SPMIP11: variants seen among roughly 807,000 people sequenced by gnomAD.
The protein encoded by SPMIP11 is sperm microtubule inner protein 11.
At chr12:48,763,120 T>C in the SPMIP11 span, among the ~76,000 whole-genome samples, 1 of 152,324 alleles carries the variant, frequency 6.6e-6, no homozygotes, top group South Asian at 2.1e-4. Flanking sequence ...AACAGGCACA[T>C]GTGGAAAGAG....
the SPMIP11 span, among the ~76,000 whole-genome samples, chr12:48,739,087 T>C: frequency 6.6e-6 from 1 of 152,216 alleles, no homozygotes; most frequent in South Asian, 2.1e-4. Context: ...TTCTCTTCTT[T>C]TCCTTGCATT....
chr12:48,740,990 A>G, the SPMIP11 span, among the ~76,000 whole-genome samples: 4 of 152,146 alleles, frequency 2.6e-5, no homozygotes, highest in East Asian at 3.9e-4. Context: ...TTAAGGATCA[A>G]GCATTGCATT....
chr12:48,759,959 A>G, the SPMIP11 span, among the ~76,000 whole-genome samples: 10 of 152,030 alleles, frequency 6.6e-5, no homozygotes, highest in African/African-American at 2.4e-4. Context: ...GGTGCCTGCC[A>G]CCATACCTGG....
the SPMIP11 span, chr12:48,771,415 G>C: frequency 1.8e-6 from 1 of 544,228 alleles, no homozygotes; most frequent in Non-Finnish European, 3.3e-6. This position sits in a 1 kb window ranked among gnomAD's most constrained non-coding sequence, Gnocchi z 4.3. Context: ...TCTGTCCACA[G>C]ACTATTGCCT....
the SPMIP11 span, among the ~76,000 whole-genome samples, chr12:48,742,278 C>T: frequency 0.99 from 134,135 of 136,036 alleles, 66,134 homozygotes; most frequent in East Asian, 1. Context: ...TTTTCTTTTC[C>T]TTTTTTTTTT....
chr12:48,761,070 A>G, the SPMIP11 span, among the ~76,000 whole-genome samples: 2 of 152,138 alleles, frequency 1.3e-5, no homozygotes, highest in South Asian at 2.1e-4. Context: ...TGGGAATAAT[A>G]CTTTTTAGCA....
the SPMIP11 span, chr12:48,765,566 C>A: frequency 5.7e-6 from 4 of 702,574 alleles, no homozygotes; most frequent in African/African-American, 3.5e-5. Flanking sequence ...TGCTCTCCAG[C>A]CTGGCCTGGC....
chr12:48,742,172 A>G, the SPMIP11 span, among the ~76,000 whole-genome samples: 1 of 152,088 alleles, frequency 6.6e-6, no homozygotes, highest in Admixed American at 6.6e-5. Flanking sequence ...GCCTGGTACA[A>G]GCACAGATTA....
chr12:48,727,995 G>A, the SPMIP11 span, among the ~76,000 whole-genome samples: 1 of 151,148 alleles, frequency 6.6e-6, no homozygotes, highest in Non-Finnish European at 1.5e-5. Context: ...AGGATGAAGT[G>A]AGCCATGATC....
chr12:48,756,278 C>T, the SPMIP11 span, among the ~76,000 whole-genome samples: 1 of 152,108 alleles, frequency 6.6e-6, no homozygotes, highest in Non-Finnish European at 1.5e-5. Flanking sequence ...CAGGAAATGG[C>T]CTCGTTGCTA....
chr12:48,727,435 A>C, the SPMIP11 span: 2 of 700,336 alleles, frequency 2.9e-6, no homozygotes, highest in Admixed American at 4.0e-5. Context: ...CACAGAGTCC[A>C]GTGCCCCAAC....
the SPMIP11 span, among the ~76,000 whole-genome samples, chr12:48,749,458 G>A: frequency 1.3e-5 from 2 of 150,950 alleles, no homozygotes; most frequent in African/African-American, 4.9e-5. Context: ...GGGAAACTCT[G>A]TCTGTACTAA....
At chr12:48,771,049 G>A in the SPMIP11 span, 13 of 1,381,356 alleles carry the variant, frequency 9.4e-6, no homozygotes, top group Admixed American at 3.9e-5. The surrounding 1 kb of genome is among the most constrained non-coding windows in gnomAD (Gnocchi z 4.3). Context: ...TTCTTGCCAC[G>A]CCTTGGCTGC....
chr12:48,758,795 C>T, the SPMIP11 span, among the ~76,000 whole-genome samples: 1 of 152,200 alleles, frequency 6.6e-6, no homozygotes, highest in Non-Finnish European at 1.5e-5. Context: ...TCTACTGTAA[C>T]CTACCTCCTT....
chr12:48,736,043 A>G, the SPMIP11 span: 5 of 445,310 alleles, frequency 1.1e-5, no homozygotes, highest in Non-Finnish European at 2.2e-5. Flanking sequence ...CTGCTAAGCC[A>G]AATAATGTCA....
the SPMIP11 span, among the ~76,000 whole-genome samples, chr12:48,738,512 T>C: frequency 3.3e-5 from 5 of 151,330 alleles, 1 homozygote; most frequent in South Asian, 8.4e-4. Flanking sequence ...TATTCTTATA[T>C]GGCACCTAAC....
the SPMIP11 span, among the ~76,000 whole-genome samples, chr12:48,754,169 G>A: frequency 4.6e-5 from 7 of 152,118 alleles, no homozygotes; most frequent in South Asian, 4.1e-4. Flanking sequence ...GTGAGGCCGA[G>A]GCAGGAAGAT....
chr12:48,765,842 G>A, the SPMIP11 span: 178 of 591,202 alleles, frequency 3.0e-4, 1 homozygote, highest in South Asian at 3.1e-3. Context: ...AGTGATTCCA[G>A]TGTCCAGATT....
chr12:48,768,926 A>C, the SPMIP11 span: 10 of 1,600,472 alleles, frequency 6.2e-6, no homozygotes, highest in Admixed American at 1.7e-4. Flanking sequence ...CCCTGCTCAT[A>C]TCCCCCTCAC....
Sources: allele counts gnomAD v4.1 joint callset (sites outside exome capture counted in the v4.1 genomes callset), GRCh38; gene constraint gnomAD v4.1.1; non-coding constraint Gnocchi (gnomAD v3.1); transcripts MANE v1.5; gene names NCBI Gene and HGNC (gene_info 2026-07-23, HGNC 2026-07-21).